Variants in POLI observed in about 807,000 individuals in gnomAD.
The protein encoded by POLI is RAD30 homolog B.
A neutral mutation model predicts 51.6 loss-of-function variants in POLI; 58 were observed. The ratio of observed to expected loss-of-function variants is 1.12; its 90% CI spans 0.91 to 1.40. POLI has a LOEUF of 1.40. POLI is among the 40% of genes most tolerant of loss of function. POLI has a pLI of 0.00. For synonymous variants in POLI, 322 were observed against 299.7 expected (o/e 1.07, Z -0.77); for missense variants, 921 against 871.3 (o/e 1.06, Z -0.72).
chr18:54,302,333 C>T (rs1297660763), downstream of POLI, among the ~76,000 whole-genome samples: 1 of 152,158 alleles, frequency 6.6e-6, no homozygotes, highest in Non-Finnish European at 1.5e-5. Context: ...CTCAACTAAA[C>T]CAAACATTCT....
At chr18:54,316,937 A>G (rs995432188) in intron 3 of POLI, among the ~76,000 whole-genome samples, 1 of 152,180 alleles carries the variant, frequency 6.6e-6, no homozygotes, top group Admixed American at 6.5e-5. Flanking sequence ...AAGGTAATAT[A>G]TAGGAGTCTG....
intron 3 of POLI, among the ~76,000 whole-genome samples, chr18:54,309,087 A>C (rs540487581): frequency 1.3e-5 from 2 of 152,138 alleles, no homozygotes; most frequent in African/African-American, 4.8e-5. Context: ...ACTTCTGTCA[A>C]CTCGTCAAAG....
chr18:54,277,615 AT>A, intron 3 of POLI, 87 bp from the exon 4 acceptor site: 2 of 764,186 alleles, frequency 2.6e-6, no homozygotes, highest in South Asian at 4.4e-5. Context: ...TTAACAATAA[AT>A]TTGATAAATT....
chr18:54,320,656 GT>G (rs35596293), intron 4 of POLI, among the ~76,000 whole-genome samples: 10,032 of 152,100 alleles, frequency 0.066, 381 homozygotes, highest in African/African-American at 0.087. Context: ...GAAATTGCTT[GT>G]AAAGTGTAAT....
At chr18:54,277,926 C>T in intron 4 of POLI, 71 bp downstream of exon 4, 2 of 1,115,864 alleles carry the variant, frequency 1.8e-6, no homozygotes, top group Non-Finnish European at 1.3e-6. Context: ...AGTGAGTTCG[C>T]TGTGTGATTC....
chr18:54,269,735 G>C, intron 1 of POLI, 74 bp downstream of exon 1: 1 of 1,409,530 alleles, frequency 7.1e-7, no homozygotes. Context: ...GACGCTCGGG[G>C]CGGCGGCCAC....
intron 8 of POLI, among the ~76,000 whole-genome samples, chr18:54,290,062 T>G (rs961828118): frequency 1.3e-5 from 2 of 151,938 alleles, no homozygotes; most frequent in Admixed American, 6.6e-5. Context: ...TGGGAGAAAA[T>G]TTTTGCAATC....
intron 3 of POLI, among the ~76,000 whole-genome samples, chr18:54,318,833 A>G (rs1005039065): frequency 2.0e-5 from 3 of 151,882 alleles, no homozygotes; most frequent in East Asian, 1.9e-4. Flanking sequence ...TTAATTTTCT[A>G]AAAAAATAAA....
At chr18:54,274,713 T>C (rs2087162846) in intron 3 of POLI, among the ~76,000 whole-genome samples, 1 of 152,260 alleles carries the variant, frequency 6.6e-6, no homozygotes, top group South Asian at 2.1e-4. Flanking sequence ...CAAAAGTAAT[T>C]GTGGCTTTCA....
At chr18:54,273,130 T>A (rs930818729) in intron 2 of POLI, among the ~76,000 whole-genome samples, 1 of 152,076 alleles carries the variant, frequency 6.6e-6, no homozygotes, top group African/African-American at 2.4e-5. Context: ...TTTAGCAATC[T>A]TGAGTCACCA....
chr18:54,305,500 T>TCATCTGC (rs1555678484), intron 3 of POLI, among the ~76,000 whole-genome samples: 11 of 103,002 alleles, frequency 1.1e-4, no homozygotes, highest in South Asian at 3.1e-4. Flanking sequence ...GATTCCTAGG[T>TCATCTGC]ATTTTATTCT....
At chr18:54,315,691 T>A (rs1212190989) in intron 3 of POLI, among the ~76,000 whole-genome samples, 6 of 152,170 alleles carry the variant, frequency 3.9e-5, no homozygotes, top group Admixed American at 3.3e-4. Context: ...AATTGAACCC[T>A]TTGTCATTAT....
At chr18:54,320,746 CAAAT>C (rs1568163290) in intron 4 of POLI, among the ~76,000 whole-genome samples, 3 of 151,644 alleles carry the variant, frequency 2.0e-5, no homozygotes, top group African/African-American at 7.2e-5. Context: ...AAATGAAAAA[CAAAT>C]GCTATCGATT....
downstream of POLI, among the ~76,000 whole-genome samples, chr18:54,302,559 T>C (rs2088510687): frequency 6.6e-6 from 1 of 152,226 alleles, no homozygotes. Context: ...CAATGCATAA[T>C]AATCACATCA....
At chr18:54,274,310 T>C (rs2087142092) in intron 3 of POLI, among the ~76,000 whole-genome samples, 1 of 152,084 alleles carries the variant, frequency 6.6e-6, no homozygotes, top group Non-Finnish European at 1.5e-5. Context: ...TAATTTTAAC[T>C]CTTATTATTG....
chr18:54,285,426 G>T (rs1034911292), intron 7 of POLI, among the ~76,000 whole-genome samples: 2 of 151,800 alleles, frequency 1.3e-5, no homozygotes, highest in East Asian at 3.9e-4. Flanking sequence ...CTGTATCTCT[G>T]CTTCCCGGCT....
Position 54,282,886 on chromosome 18 carries a change from T to C in POLI, c.846T>C (p.Ser282=). 6.3e-7 allele frequency: 1 copy of C among 1,580,978 alleles called. No homozygotes were observed. The highest frequency in any genetic ancestry group is 1.8e-5 in the Admixed American group (1 of 55,402). Reference sequence around the variant, plus strand: ...GTCTTGAAGCACTGGGTATCAATAGTGTGCGTGATCTCCAAACCTTTTCAC... The same window carrying C: ...GTCTTGAAGCACTGGGTATCAATAGCGTGCGTGATCTCCAAACCTTTTCAC... ...AKCLEALGIN[S]VRDLQTFSPK... The change falls in exon 6 of 10, where the codon AGT becomes AGC. Residue 282 remains serine, a synonymous_variant. Coordinates refer to ENST00000579534, the MANE Select transcript of POLI (RefSeq NM_007195.3).
chr18:54,279,492 C>G (rs964852825), intron 4 of POLI, among the ~76,000 whole-genome samples: 1 of 152,138 alleles, frequency 6.6e-6, no homozygotes, highest in Non-Finnish European at 1.5e-5. Context: ...ATCCGCTTGC[C>G]TTGGCCTCCC....
intron 3 of POLI, among the ~76,000 whole-genome samples, chr18:54,308,968 A>C (rs150041275): frequency 1.3e-5 from 2 of 152,146 alleles, no homozygotes; most frequent in African/African-American, 2.4e-5. Flanking sequence ...TGTTTATTCT[A>C]GTTAGCCATT....
Sources: allele counts gnomAD v4.1 joint callset (sites outside exome capture counted in the v4.1 genomes callset), GRCh38; gene constraint gnomAD v4.1.1; transcripts MANE v1.5; gene names NCBI Gene and HGNC (gene_info 2026-07-23, HGNC 2026-07-21).